MAP2K5: variants seen among roughly 807,000 people sequenced by gnomAD.
The protein encoded by MAP2K5 is dual specificity mitogen-activated protein kinase kinase 5.
In MAP2K5, 49 loss-of-function variants were observed where a neutral mutation model predicts 83.1. The ratio of observed to expected loss-of-function variants is 0.59; its 90% CI spans 0.47 to 0.75. MAP2K5 has a LOEUF of 0.75. MAP2K5 is among the 30% of genes least tolerant of loss of function. The probability of loss-of-function intolerance (pLI) is 0.00; values close to 1 mark genes in which losing one functional copy is unlikely to be tolerated. For missense variants in MAP2K5, 457 were observed against 557.5 expected (o/e 0.82, Z 1.82); for synonymous variants, 202 against 191.8 (o/e 1.05, Z -0.44).
rs2084343550 is a variant in MAP2K5 at position 67,543,846 on chromosome 15, T to C, written c.135+376T>C. Among the ~76,000 whole-genome samples, 1 of 152,256 alleles carries C rather than the reference T, an allele frequency of 6.6e-6. No homozygotes were observed. Among genetic ancestry groups the C allele is most frequent in the Admixed American group, 6.5e-5 (1 of 15,292 alleles). On this transcript the variant is annotated intron_variant, in intron 1 of 21. Coordinates refer to ENST00000178640, the MANE Select transcript of MAP2K5 (RefSeq NM_145160.3). The surrounding 1 kb of genome is among the most constrained non-coding windows in gnomAD (Gnocchi z 4.3). The stretch of plus-strand genomic sequence containing the variant: ...AGCCTTGTTTTTCTACTGAGTTCTC[T>C]GAACTTGGTGACCAGCTGAGAAAGG...
At chr15:67,752,506 C>T (rs1440113591) in intron 19 of MAP2K5, among the ~76,000 whole-genome samples, 10 of 151,336 alleles carry the variant, frequency 6.6e-5, no homozygotes, top group Non-Finnish European at 1.5e-4. Flanking sequence ...GGTGAAACCC[C>T]ATCTCTACTA....
At chr15:67,705,793 G>A (rs1420293983) in intron 16 of MAP2K5, among the ~76,000 whole-genome samples, 1 of 152,046 alleles carries the variant, frequency 6.6e-6, no homozygotes, top group Non-Finnish European at 1.5e-5. Context: ...AGTACCACTT[G>A]AGCAGATACT....
chr15:67,557,170 G>T (rs551606679), intron 2 of MAP2K5, among the ~76,000 whole-genome samples: 1 of 152,166 alleles, frequency 6.6e-6, no homozygotes, highest in African/African-American at 2.4e-5. Context: ...AAAATCAACC[G>T]TGCCCACTAA....
At chr15:67,754,085 G>C (rs533234490) in intron 19 of MAP2K5, among the ~76,000 whole-genome samples, 2 of 152,288 alleles carry the variant, frequency 1.3e-5, no homozygotes, top group East Asian at 3.9e-4. Flanking sequence ...GTCCACAATA[G>C]GGAAGTCTAT....
chr15:67,720,253 C>CAT lies in MAP2K5; in HGVS notation c.1045-7655_1045-7654dup, dbSNP rs2088925157. Reference sequence around the variant, plus strand: ...ACACATACACAAACATAAACACACGCATATATATACACACACATATGCTTA... The same window carrying CAT: ...ACACATACACAAACATAAACACACGCATATATATATACACACACATATGCTTA... On this transcript the variant is annotated intron_variant, in intron 16 of 21. Coordinates refer to ENST00000178640, the MANE Select transcript of MAP2K5 (RefSeq NM_145160.3). The surrounding 1 kb of genome is among the most constrained non-coding windows in gnomAD (Gnocchi z 5.7). 1.3e-5 allele frequency among the ~76,000 whole-genome samples: 2 copies of CAT among 152,064 alleles called. No individual in the cohort carries two copies. The highest frequency in any genetic ancestry group is 1.3e-4 in the Admixed American group (2 of 15,266).
chr15:67,543,466 T>C lies in MAP2K5; in HGVS notation c.131T>C (p.Val44Ala). ...HSGPQLLFRD[V>A]LDVIGQVLPE... ...GGGCCGCAGTTACTCTTCAGGGATG[T>C]GCTGGTGAGTGGTAATCTCAGTGTC... is the stretch of plus-strand genomic sequence containing the variant. The change falls in exon 1 of 22, where the codon GTG becomes GCG. Residue 44 changes from valine (V) to alanine (A), a missense_variant. By Grantham distance (64) the Val-to-Ala change is moderately conservative. Around this residue, in one of 3 missense-constraint regions of MAP2K5, gnomAD observed 234 missense variants for 243.6 expected, o/e 0.96. Coordinates refer to ENST00000178640, the MANE Select transcript of MAP2K5 (RefSeq NM_145160.3). This position sits in a 1 kb window ranked among gnomAD's most constrained non-coding sequence, Gnocchi z 4.3. 1 of 1,614,142 alleles carries C rather than the reference T, an allele frequency of 6.2e-7. No individual in the cohort carries two copies. The highest frequency in any genetic ancestry group is 8.5e-7 in the Non-Finnish European group (1 of 1,180,024).
rs1460023993 is a variant in MAP2K5, at chr15:67,780,897, CTTTGGT to C, written c.1242+8146_1242+8151del. 3.3e-5 allele frequency among the ~76,000 whole-genome samples: 5 copies of C among 152,324 alleles called. No homozygotes were observed. In the East Asian group the frequency reaches 9.6e-4, roughly 29 times the overall value. ...GGTGGTGATCAGCAGCACATATGAT[CTTTGGT>C]ATGCATTCTGACCACTTGAGAATTT... On this transcript the variant is annotated intron_variant, in intron 21 of 21. Coordinates refer to ENST00000178640, the MANE Select transcript of MAP2K5 (RefSeq NM_145160.3). This position sits in a 1 kb window ranked among gnomAD's most constrained non-coding sequence, Gnocchi z 5.0.
rs996862322 is a variant in MAP2K5, at chr15:67,746,845, C to G, written c.1075-1386C>G. Among the ~76,000 whole-genome samples the G allele has an allele frequency of 2.0e-5, 3 of 152,182 alleles. No individual in the cohort carries two copies. Among genetic ancestry groups the G allele is most frequent in the Admixed American group, 1.3e-4 (2 of 15,282 alleles). ...ATGGGAAAACACTTTTTAAAACACT[C>G]AGGCAGTAGGAAGAAGGGTGTGCTG... On this transcript the variant is annotated intron_variant, in intron 17 of 21. Coordinates refer to ENST00000178640, the MANE Select transcript of MAP2K5 (RefSeq NM_145160.3). The surrounding 1 kb of genome is among the most constrained non-coding windows in gnomAD (Gnocchi z 4.1).
intron 9 of MAP2K5, chr15:67,641,737 C>A: frequency 2.1e-6 from 1 of 470,520 alleles, no homozygotes; most frequent in Non-Finnish European, 2.8e-6. Context: ...ACATTTAGCA[C>A]TTCCTAAGGA....
At chr15:67,718,483 G>T (rs1391241356) in intron 16 of MAP2K5, among the ~76,000 whole-genome samples, 2 of 152,156 alleles carry the variant, frequency 1.3e-5, no homozygotes, top group Non-Finnish European at 2.9e-5. Context: ...TTTTATGGGG[G>T]CTGGGTGCAG....
At chr15:67,553,247 CA>C (rs2084548227) in intron 2 of MAP2K5, among the ~76,000 whole-genome samples, 1 of 152,136 alleles carries the variant, frequency 6.6e-6, no homozygotes, top group African/African-American at 2.4e-5. Flanking sequence ...AGCCCAGGTT[CA>C]AACACACATC....
chr15:67,739,411 A>T (rs2089419140), intron 17 of MAP2K5, among the ~76,000 whole-genome samples: 2 of 131,212 alleles, frequency 1.5e-5, no homozygotes, highest in Admixed American at 7.9e-5. Flanking sequence ...AATTCACAAG[A>T]TTGTGTGTGA....
At chr15:67,787,248 C>T (rs550526839) in intron 21 of MAP2K5, among the ~76,000 whole-genome samples, 12 of 152,352 alleles carry the variant, frequency 7.9e-5, no homozygotes, top group Non-Finnish European at 1.3e-4. Flanking sequence ...TCAAATTTTG[C>T]GAAGGTCTCT....
chr15:67,670,310 A>G, intron 13 of MAP2K5: 1 of 426,102 alleles, frequency 2.3e-6, no homozygotes, highest in South Asian at 1.7e-5. Flanking sequence ...CTGGTTGACA[A>G]ACAGTGGAGG....
At position 67,722,177 on chromosome 15, in the gene MAP2K5, A is replaced by G. The variant is rs1417255618; in HGVS notation, c.1045-5739A>G. Among the ~76,000 whole-genome samples the G allele has an allele frequency of 1.3e-5, 2 of 152,144 alleles. No homozygotes were observed. The highest frequency in any genetic ancestry group is 2.9e-5 in the Non-Finnish European group (2 of 68,024). On this transcript the variant is annotated intron_variant, in intron 16 of 21. Coordinates refer to ENST00000178640, the MANE Select transcript of MAP2K5 (RefSeq NM_145160.3). This position sits in a 1 kb window ranked among gnomAD's most constrained non-coding sequence, Gnocchi z 4.2. ...CACTTCATCAGTCTCTGTTACTCGC[A>G]CTTATGCCCCTCCACAGGGGTTGCA...
chr15:67,623,491 T>C (rs1341677408), intron 8 of MAP2K5, among the ~76,000 whole-genome samples: 1 of 152,246 alleles, frequency 6.6e-6, no homozygotes, highest in Non-Finnish European at 1.5e-5. Context: ...GGGTCATTTG[T>C]AGAGCATATA....
intron 9 of MAP2K5, among the ~76,000 whole-genome samples, chr15:67,635,427 G>A (rs925595323): frequency 1.3e-4 from 20 of 152,112 alleles, no homozygotes; most frequent in African/African-American, 4.6e-4. Context: ...TGCCCACCTC[G>A]GCCTCCCAAA....
chr15:67,603,190 G>T (rs557846648), intron 8 of MAP2K5, among the ~76,000 whole-genome samples: 65 of 152,126 alleles, frequency 4.3e-4, no homozygotes, highest in Non-Finnish European at 7.9e-4. Flanking sequence ...AGAACTCTTC[G>T]TCTTGTGTAA....
At chr15:67,788,967 G>C (rs1251658303) in intron 21 of MAP2K5, among the ~76,000 whole-genome samples, 1 of 87,988 alleles carries the variant, frequency 1.1e-5, no homozygotes, top group Non-Finnish European at 2.1e-5. Context: ...GAGAGACCCT[G>C]TCTCAAAAAA....
Sources: allele counts gnomAD v4.1 joint callset (sites outside exome capture counted in the v4.1 genomes callset), GRCh38; gene constraint gnomAD v4.1.1; regional missense constraint gnomAD v4.1.1; non-coding constraint Gnocchi (gnomAD v3.1); transcripts MANE v1.5; gene names NCBI Gene and HGNC (gene_info 2026-07-23, HGNC 2026-07-21).